Variants in ELFN1 observed in about 807,000 individuals in gnomAD.
ELFN1 encodes protein ELFN1.
Under a neutral mutation model 7.6 loss-of-function variants are expected in ELFN1, and 6 were observed. The ratio of observed to expected loss-of-function variants is 0.79; its 90% CI spans 0.43 to 1.56. ELFN1 has a LOEUF of 1.56. ELFN1 is among the 40% of genes most tolerant of loss of function. The probability of loss-of-function intolerance (pLI) is 0.01; values close to 1 mark genes in which losing one functional copy is unlikely to be tolerated. For missense variants in ELFN1, 1,169 were observed against 1,232.2 expected, an observed-to-expected ratio of 0.95 and a Z score of 0.77; for synonymous variants, 657 against 588.1, an observed-to-expected ratio of 1.12 and a Z score of -1.70.
chr7:1,690,957 A>G (rs966319954), intron 2 of ELFN1, among the ~76,000 whole-genome samples: 1 of 152,178 alleles, frequency 6.6e-6, no homozygotes, highest in African/African-American at 2.4e-5. Context: ...GAATGAGTGG[A>G]TGATACATAC....
intron 3 of ELFN1, among the ~76,000 whole-genome samples, chr7:1,742,665 T>G (rs1244935506): frequency 2.0e-5 from 3 of 152,208 alleles, no homozygotes; most frequent in African/African-American, 7.2e-5. Flanking sequence ...CCGGCTGGGC[T>G]TGGCGTCCCC....
chr7:1,738,291 C>T (rs927458312), intron 3 of ELFN1, among the ~76,000 whole-genome samples: 4 of 152,174 alleles, frequency 2.6e-5, no homozygotes, highest in African/African-American at 4.8e-5. Context: ...GAAGCTGGTA[C>T]GGATGTGCAC....
At chr7:1,741,930 C>T (rs1323685469) in intron 3 of ELFN1, among the ~76,000 whole-genome samples, 1 of 152,120 alleles carries the variant, frequency 6.6e-6, no homozygotes, top group African/African-American at 2.4e-5. Flanking sequence ...TGTACACAAT[C>T]ACCTGCCCTG....
chr7:1,737,085 C>G (rs968977559), intron 3 of ELFN1, among the ~76,000 whole-genome samples: 1 of 152,160 alleles, frequency 6.6e-6, no homozygotes, highest in African/African-American at 2.4e-5. Flanking sequence ...GGAGGGGCCT[C>G]CTGCCTTCAT....
intron 2 of ELFN1, among the ~76,000 whole-genome samples, chr7:1,704,705 G>A (rs778231349): frequency 2.7e-4 from 41 of 152,144 alleles, no homozygotes; most frequent in East Asian, 3.9e-4. Flanking sequence ...TCACCCCTGC[G>A]AGGTCAGTGC....
chr7:1,679,080 G>A (rs1450845695), intron 1 of ELFN1, among the ~76,000 whole-genome samples: 6 of 152,060 alleles, frequency 3.9e-5, no homozygotes, highest in Non-Finnish European at 5.9e-5. Context: ...GATTATGCCC[G>A]TCTTGCAGGG....
intron 3 of ELFN1, among the ~76,000 whole-genome samples, chr7:1,721,698 C>T (rs371092485): frequency 1.3e-5 from 2 of 152,148 alleles, no homozygotes; most frequent in Admixed American, 1.3e-4. Flanking sequence ...CTGTCAGGGT[C>T]GAGGAGGGTG....
Position 1,746,927 on chromosome 7 carries a change from G to C in ELFN1, c.2331G>C (p.Trp777Cys). ...CCTGCCGGGCCTCCCAGAGCATCTG[G>C]GAGCGCTTCAGACTGAGCCGCCGGC... ...EYTCRASQSIWERFRLSRRRH... is the reference protein window; with the variant it reads ...EYTCRASQSICERFRLSRRRH... The change falls in exon 4 of 4, where the codon TGG (tryptophan) becomes TGC (cysteine). Residue 777 changes from tryptophan (W) to cysteine (C), a missense_variant. Around this residue, in one of 2 missense-constraint regions of ELFN1, gnomAD observed 914 missense variants for 872.6 expected, o/e 1.05. Transcript: ENST00000424383. 1 of 1,549,802 alleles carries C rather than the reference G, an allele frequency of 6.5e-7. No individual in the cohort carries two copies.
Position 1,673,059 on chromosome 7 carries a change from T to C in ELFN1, c.-549+2705T>C, listed in dbSNP as rs1401868006. On this transcript the variant is annotated intron_variant, in intron 1 of 3. Transcript: ENST00000424383. This position sits in a 1 kb window ranked among gnomAD's most constrained non-coding sequence, Gnocchi z 4.7. ...GCGGATGGTGGCACCGCCGCGGACATTGGATACATTTGTCATCTCTCCAGC... is the reference window on the plus strand; with the variant it reads ...GCGGATGGTGGCACCGCCGCGGACACTGGATACATTTGTCATCTCTCCAGC... Among the ~76,000 whole-genome samples the C allele has an allele frequency of 1.3e-5, 2 of 150,718 alleles. No homozygotes were observed. Among genetic ancestry groups the C allele is most frequent in the Non-Finnish European group, 1.5e-5 (1 of 67,892 alleles).
intron 3 of ELFN1, among the ~76,000 whole-genome samples, chr7:1,724,679 T>C (rs1414342204): frequency 1.3e-5 from 2 of 152,084 alleles, no homozygotes; most frequent in East Asian, 1.9e-4. Flanking sequence ...ACCACAGCCT[T>C]GCCAGAGCCC....
chr7:1,716,633 C>T (rs946493986), intron 3 of ELFN1, among the ~76,000 whole-genome samples: 4 of 152,230 alleles, frequency 2.6e-5, no homozygotes, highest in Non-Finnish European at 4.4e-5. Flanking sequence ...ATACGTGTCA[C>T]GTGATGACCC....
Position 1,670,957 on chromosome 7 carries a change from C to T in ELFN1, c.-549+603C>T, listed in dbSNP as rs1332812743. Among the ~76,000 whole-genome samples the T allele has an allele frequency of 6.6e-6, 1 of 151,154 alleles. No individual in the cohort carries two copies. Among genetic ancestry groups the T allele is most frequent in the Non-Finnish European group, 1.5e-5 (1 of 67,506 alleles). On this transcript the variant is annotated intron_variant, in intron 1 of 3. Coordinates refer to ENST00000424383, the MANE Select transcript of ELFN1 (RefSeq NM_001128636.4). The surrounding 1 kb of genome is among the most constrained non-coding windows in gnomAD (Gnocchi z 6.4). ...GGGGGTGGGGTGGGGGGCTTCGCTC[C>T]GAACTGAACTTACTGGGTGCTTTCC... is the stretch of plus-strand genomic sequence containing the variant.
chr7:1,693,946 G>A (rs1254590287), intron 2 of ELFN1: 5 of 388,670 alleles, frequency 1.3e-5, no homozygotes, highest in East Asian at 7.3e-5. Context: ...GGAAGCCCCC[G>A]TCTGGCTGTG....
At chr7:1,699,607 C>T (rs1779385135) in intron 2 of ELFN1, among the ~76,000 whole-genome samples, 1 of 152,160 alleles carries the variant, frequency 6.6e-6, no homozygotes, top group Non-Finnish European at 1.5e-5. Flanking sequence ...CATCACTGCA[C>T]TCCAGCCTGG....
At chr7:1,666,179 G>T (rs1778668285), upstream of ELFN1, among the ~76,000 whole-genome samples, 1 of 151,958 alleles carries the variant, frequency 6.6e-6, no homozygotes, top group South Asian at 2.1e-4. This position sits in a 1 kb window ranked among gnomAD's most constrained non-coding sequence, Gnocchi z 7.9. Flanking sequence ...AGGTAAGAAG[G>T]GGCCTGAGGG....
chr7:1,723,307 C>G (rs952041157), intron 3 of ELFN1, among the ~76,000 whole-genome samples: 5 of 152,236 alleles, frequency 3.3e-5, no homozygotes, highest in African/African-American at 1.2e-4. Flanking sequence ...CGACAGACCT[C>G]CACAACGTTA....
intron 3 of ELFN1, among the ~76,000 whole-genome samples, chr7:1,711,762 GAC>G (rs1779664267): frequency 6.6e-6 from 1 of 152,202 alleles, no homozygotes; most frequent in Non-Finnish European, 1.5e-5. Flanking sequence ...CTCTGTGGAT[GAC>G]AGTGTCCCCA....
chr7:1,724,086 C>T (rs878957370), intron 3 of ELFN1, among the ~76,000 whole-genome samples: 1 of 152,318 alleles, frequency 6.6e-6, no homozygotes, highest in South Asian at 2.1e-4. Flanking sequence ...GGCAAGTTCA[C>T]GAACATGTCT....
At chr7:1,682,399 A>G (rs892846509) in intron 1 of ELFN1, among the ~76,000 whole-genome samples, 10 of 152,072 alleles carry the variant, frequency 6.6e-5, no homozygotes, top group African/African-American at 2.4e-4. Flanking sequence ...CTGGACTCTC[A>G]ATTCTATTCC....
Sources: gnomAD v4.1 joint callset for allele counts (sites outside exome capture counted in the v4.1 genomes callset) on GRCh38, gnomAD v4.1.1 for gene constraint, gnomAD v4.1.1 regional missense constraint, Gnocchi (gnomAD v3.1) non-coding constraint, MANE v1.5 for transcripts, NCBI Gene and HGNC (gene_info 2026-07-23, HGNC 2026-07-21) for gene names.